The following P2RY8 variants were observed in gnomAD, a reference collection of about 807,000 sequenced individuals.
P2RY8 encodes P2Y receptor family member 8.
In P2RY8, 6 loss-of-function variants were observed where a neutral mutation model predicts 10.0. The ratio of observed to expected loss-of-function variants is 0.60; its 90% CI spans 0.33 to 1.19. P2RY8 has a LOEUF of 1.19. Ranked by LOEUF, P2RY8 falls within the 50% of genes most tolerant of loss-of-function variation. The pLI is 0.04. For synonymous variants in P2RY8, 276 were observed against 252.5 expected (o/e 1.09, Z -0.88); for missense variants, 456 against 542.0 (o/e 0.84, Z 1.58).
chrX:1,495,223 C>T (rs1221760038), intron 1 of P2RY8, among the ~76,000 whole-genome samples: 6 of 152,052 alleles, frequency 3.9e-5, no homozygotes, highest in South Asian at 2.1e-4. Context: ...TTACAAACAG[C>T]GAGCTCAGTA....
At chrX:1,487,702 C>T (rs1312655936) in intron 1 of P2RY8, among the ~76,000 whole-genome samples, 2 of 152,086 alleles carry the variant, frequency 1.3e-5, no homozygotes, top group Non-Finnish European at 2.9e-5. Flanking sequence ...GGAGAAGAGA[C>T]CTGAAGTGTA....
intron 1 of P2RY8, among the ~76,000 whole-genome samples, chrX:1,516,991 A>C (rs2092355940): frequency 6.6e-6 from 1 of 151,884 alleles, no homozygotes; most frequent in South Asian, 2.1e-4. Context: ...GACACCTCAT[A>C]AGAAGAGGAG....
At position 1,509,751 on chromosome X, in the gene P2RY8, G is replaced by GTA. The variant is rs1481742595; in HGVS notation, c.-25+27169_-25+27170insTA. On this transcript the variant is annotated intron_variant, in intron 1 of 1. Coordinates refer to ENST00000381297, the MANE Select transcript of P2RY8 (RefSeq NM_178129.5). Reference sequence around the variant, plus strand: ...TATGTATCTATCTATGTATCTATCTGTCTATCTATCTATCTATCTATCTAT... The same window carrying GTA: ...TATGTATCTATCTATGTATCTATCTGTATCTATCTATCTATCTATCTATCTAT... Among the ~76,000 whole-genome samples, 174 of 77,822 alleles carry GTA rather than the reference G, an allele frequency of 2.2e-3. 3 individuals are homozygous for GTA. Among genetic ancestry groups the GTA allele is most frequent in the South Asian group, 7.1e-3 (19 of 2,658 alleles). 51.1% of individuals were successfully genotyped at this position (77,822 alleles called of 152,430 possible).
chrX:1,515,055 C>T (rs1344741931), intron 1 of P2RY8, among the ~76,000 whole-genome samples: 1 of 149,870 alleles, frequency 6.7e-6, no homozygotes, highest in African/African-American at 2.5e-5. Context: ...ATTACAGGCA[C>T]CCACCACCAC....
chrX:1,523,016 C>G (rs1445092788), intron 1 of P2RY8, among the ~76,000 whole-genome samples: 2 of 150,794 alleles, frequency 1.3e-5, no homozygotes, highest in African/African-American at 4.9e-5. Flanking sequence ...TTGCAGAAAG[C>G]CGAGATTGCA....
chrX:1,466,137 A>G lies in P2RY8; in HGVS notation c.422T>C (p.Val141Ala), dbSNP rs1354448382. The G allele has an allele frequency of 1.9e-6, 3 of 1,611,838 alleles. No individual in the cohort carries two copies. The highest frequency in any genetic ancestry group is 2.5e-6 in the Non-Finnish European group (3 of 1,179,392). The change falls in exon 2 of 2, where the codon GTG (valine) becomes GCG (alanine). Residue 141 changes from valine (V) to alanine (A), a missense_variant. Transcript: ENST00000381297. ...CAGCCAGGTCCCTGCACACGCGGCC[A>G]CCGCGTAACGACGGCGGCGCCAGCG... is the stretch of plus-strand genomic sequence containing the variant. The part of the protein sequence containing the change: ...SKRWRRRRYA[V>A]AACAGTWLLL...
intron 1 of P2RY8, among the ~76,000 whole-genome samples, chrX:1,519,551 G>A (rs2092376113): frequency 6.8e-6 from 1 of 147,680 alleles, no homozygotes; most frequent in Non-Finnish European, 1.5e-5. Flanking sequence ...CTGGTCCCCA[G>A]TCATCTCCTT....
chrX:1,503,661 G>A lies in P2RY8; in HGVS notation c.-25+33260C>T, dbSNP rs1201955777. ...TGTAATCCCAGCACTTTGGGAGGCC[G>A]AGGCGGGTGGATCATCTGAGGTCAG... On this transcript the variant is annotated intron_variant, in intron 1 of 1. Coordinates refer to ENST00000381297, the MANE Select transcript of P2RY8 (RefSeq NM_178129.5). 6.6e-5 allele frequency among the ~76,000 whole-genome samples: 10 copies of A among 151,760 alleles called. No homozygotes were observed. In the South Asian group the frequency reaches 1.0e-3, roughly 16 times the overall value.
At position 1,518,436 on chromosome X, in the gene P2RY8, A is replaced by T. The variant is rs778503125; in HGVS notation, c.-25+18485T>A. On this transcript the variant is annotated intron_variant, in intron 1 of 1. Transcript: ENST00000381297. Reference sequence around the variant, plus strand: ...GCGAGACTCCGTCTCAAAAAAAAAAAAATAATAATAATATAATAAAATATT... The same window carrying T: ...GCGAGACTCCGTCTCAAAAAAAAAATAATAATAATAATATAATAAAATATT... Among the ~76,000 whole-genome samples the T allele has an allele frequency of 3.5e-3, 514 of 147,754 alleles. 6 individuals are homozygous for T. Among genetic ancestry groups the T allele is most frequent in the African/African-American group, 0.011 (466 of 40,770 alleles).
chrX:1,521,443 G>A (rs1215420185), intron 1 of P2RY8, among the ~76,000 whole-genome samples: 3 of 152,056 alleles, frequency 2.0e-5, no homozygotes, highest in African/African-American at 7.3e-5. Flanking sequence ...ATGGTCCACT[G>A]TAATCCTTAT....
Position 1,464,357 on chromosome X carries a change from A to C in P2RY8, c.*1122T>G, listed in dbSNP as rs1479373782. 4.3e-6 allele frequency: 1 copy of C among 233,528 alleles called. No individual in the cohort carries two copies. Among genetic ancestry groups the C allele is most frequent in the Non-Finnish European group, 8.4e-6 (1 of 118,350 alleles). The allele number at this position is 233,528 out of a possible 1,614,324, so 14.5% of individuals were successfully genotyped here. A position where few individuals can be genotyped will look rare whatever the true frequency, so the allele number is the denominator to read the frequency against. On this transcript the variant is annotated 3_prime_UTR_variant, in exon 2 of 2. Transcript: ENST00000381297. ...GACCCAGCCTGCTCACCACCCACAC[A>C]GCAGGGAGGGGGCTCAGCGGCTGAC...
At chrX:1,500,020 A>G (rs189960082) in intron 1 of P2RY8, among the ~76,000 whole-genome samples, 37,232 of 82,414 alleles carry the variant, frequency 0.45, 12,685 homozygotes, top group East Asian at 0.77. Context: ...CACCATGCCC[A>G]GCTAATTTTT....
chrX:1,530,153 GTATGATCTATC>G (rs1264820118), intron 1 of P2RY8, among the ~76,000 whole-genome samples: 3,261 of 39,402 alleles, frequency 0.083, 68 homozygotes, highest in Non-Finnish European at 0.1. Context: ...ATGTATGTAT[GTATGATCTATC>G]TATCTATCTA....
chrX:1,505,253 C>G (rs2092221580), intron 1 of P2RY8, among the ~76,000 whole-genome samples: 1 of 152,128 alleles, frequency 6.6e-6, no homozygotes, highest in Non-Finnish European at 1.5e-5. Flanking sequence ...ACTCTGGCCA[C>G]TTGCCCATCA....
chrX:1,535,885 C>A (rs1266434843), intron 1 of P2RY8, among the ~76,000 whole-genome samples: 1 of 152,012 alleles, frequency 6.6e-6, no homozygotes, highest in Non-Finnish European at 1.5e-5. Context: ...CTTTTCTCAG[C>A]TTTTTAGGGG....
At chrX:1,487,810 C>T (rs1380171593) in intron 1 of P2RY8, among the ~76,000 whole-genome samples, 1 of 152,046 alleles carries the variant, frequency 6.6e-6, no homozygotes, top group Non-Finnish European at 1.5e-5. Context: ...AGTCAGAATA[C>T]GGGTAAAAAA....
rs150396057 is a variant in P2RY8, at chrX:1,483,178, A to G, written c.-24-16596T>C. Among the ~76,000 whole-genome samples, 7 of 152,318 alleles carry G rather than the reference A, an allele frequency of 4.6e-5. No individual in the cohort carries two copies. The East Asian group carries it at 1.2e-3, about 25-fold the overall frequency. On this transcript the variant is annotated intron_variant, in intron 1 of 1. Transcript: ENST00000381297. ...CGCGGACTTGCCTTAGGATACTTTAATTGTGATCTGGTGGATTCTGCTCAT... is the reference window on the plus strand; with the variant it reads ...CGCGGACTTGCCTTAGGATACTTTAGTTGTGATCTGGTGGATTCTGCTCAT...
chrX:1,516,474 T>C (rs780017433), intron 1 of P2RY8, among the ~76,000 whole-genome samples: 23 of 149,058 alleles, frequency 1.5e-4, no homozygotes, highest in Admixed American at 8.1e-4. Flanking sequence ...AGCCGCCCAG[T>C]CTATGGTGTT....
intron 1 of P2RY8, among the ~76,000 whole-genome samples, chrX:1,491,985 G>A (rs1209480697): frequency 6.6e-6 from 1 of 152,184 alleles, no homozygotes; most frequent in African/African-American, 2.4e-5. Flanking sequence ...TAGCCCCACC[G>A]CCTCCCTCCG....
Sources: allele counts gnomAD v4.1 joint callset (sites outside exome capture counted in the v4.1 genomes callset), GRCh38; gene constraint gnomAD v4.1.1; transcripts MANE v1.5; gene names NCBI Gene and HGNC (gene_info 2026-07-23, HGNC 2026-07-21).